Variants in LIPA observed in about 807,000 individuals in gnomAD.
LIPA encodes the protein lysosomal acid lipase/cholesteryl ester hydrolase.
In LIPA, 26 loss-of-function variants were observed where a neutral mutation model predicts 40.6. That is an observed-to-expected ratio of 0.64 (90% confidence interval 0.47 to 0.89). The LOEUF (loss-of-function observed/expected upper bound fraction) is 0.89, where lower values mean the gene tolerates loss of function less well. Ranked by LOEUF, LIPA falls within the 40% of genes least tolerant of loss-of-function variation. LIPA has a pLI of 0.00. For synonymous variants in LIPA, 188 were observed against 168.4 expected (o/e 1.12, Z -0.90); for missense variants, 455 against 479.6 (o/e 0.95, Z 0.48).
At chr10:89,253,197 G>T (rs996116805), upstream of LIPA, among the ~76,000 whole-genome samples, 1 of 152,174 alleles carries the variant, frequency 6.6e-6, no homozygotes, top group Non-Finnish European at 1.5e-5. Context: ...AACTACAGAA[G>T]CAGGGAGACT....
At chr10:89,302,836 G>C (rs1269647865) in intron 1 of LIPA, among the ~76,000 whole-genome samples, 1 of 152,084 alleles carries the variant, frequency 6.6e-6, no homozygotes, top group Non-Finnish European at 1.5e-5. Flanking sequence ...CAGTTTGAAG[G>C]TGGGGTGGCC....
intron 2 of LIPA, among the ~76,000 whole-genome samples, chr10:89,374,516 T>G (rs1827590482): frequency 1.3e-5 from 2 of 152,204 alleles, no homozygotes; most frequent in Non-Finnish European, 2.9e-5. Flanking sequence ...AGTGACCACA[T>G]GACAAACACT....
At chr10:89,336,789 A>C (rs961185363) in intron 1 of LIPA, among the ~76,000 whole-genome samples, 1 of 152,188 alleles carries the variant, frequency 6.6e-6, no homozygotes, top group African/African-American at 2.4e-5. Flanking sequence ...GAAATCCAAA[A>C]ATAAGGACAC....
chr10:89,332,540 T>TTGGAA, intron 1 of LIPA: 1 of 1,613,370 alleles, frequency 6.2e-7, no homozygotes, highest in East Asian at 2.2e-5. Context: ...TGGAAACCTC[T>TTGGAA]TCAGCATTTG....
At chr10:89,322,861 G>A (rs1328404373) in intron 1 of LIPA, among the ~76,000 whole-genome samples, 1 of 152,184 alleles carries the variant, frequency 6.6e-6, no homozygotes, top group Non-Finnish European at 1.5e-5. Flanking sequence ...CACCTGGAGG[G>A]CAAGACAGGT....
At chr10:89,221,540 A>C (rs1589552425) in intron 8 of LIPA, among the ~76,000 whole-genome samples, 2 of 152,248 alleles carry the variant, frequency 1.3e-5, no homozygotes, top group East Asian at 3.9e-4. Context: ...CAATTTGGTG[A>C]TTCTGATGCA....
At chr10:89,347,594 A>T (rs1406942818), upstream of LIPA, among the ~76,000 whole-genome samples, 1 of 152,142 alleles carries the variant, frequency 6.6e-6, no homozygotes, top group East Asian at 1.9e-4. Context: ...TAGTAAAATT[A>T]TTATTTCTAG....
intron 2 of LIPA, among the ~76,000 whole-genome samples, chr10:89,394,496 CAT>C (rs1844304452): frequency 6.7e-6 from 1 of 150,302 alleles, no homozygotes; most frequent in African/African-American, 2.5e-5. Flanking sequence ...AGTGGGGGCT[CAT>C]GTGATTATTT....
At chr10:89,343,910 T>A (rs545520139), upstream of LIPA, among the ~76,000 whole-genome samples, 9 of 133,034 alleles carry the variant, frequency 6.8e-5, no homozygotes, top group Non-Finnish European at 1.1e-4. Context: ...TCTAGCTTAA[T>A]TCAGGCAGGA....
intron 2 of LIPA, among the ~76,000 whole-genome samples, chr10:89,349,348 A>G (rs1168800129): frequency 6.6e-6 from 1 of 152,182 alleles, no homozygotes; most frequent in Non-Finnish European, 1.5e-5. Context: ...AAAAGAGGGT[A>G]TATAAGCTTC....
intron 1 of LIPA, chr10:89,338,768 T>C (rs1221484852): frequency 1.2e-6 from 2 of 1,614,012 alleles, no homozygotes; most frequent in Non-Finnish European, 1.7e-6. Flanking sequence ...GAAGATAGAG[T>C]GTGTAACCAG....
At chr10:89,388,608 G>A (rs533199525) in intron 2 of LIPA, among the ~76,000 whole-genome samples, 4 of 152,148 alleles carry the variant, frequency 2.6e-5, no homozygotes, top group Admixed American at 1.3e-4. Flanking sequence ...GTGTACCTGG[G>A]TTTGTAAGAT....
chr10:89,358,330 T>C (rs568861415), intron 2 of LIPA, among the ~76,000 whole-genome samples: 1 of 152,194 alleles, frequency 6.6e-6, no homozygotes, highest in Non-Finnish European at 1.5e-5. Context: ...TTATATACTG[T>C]TGGTGGGAAT....
chr10:89,337,248 G>A (rs1396362614), intron 1 of LIPA, among the ~76,000 whole-genome samples: 1 of 152,146 alleles, frequency 6.6e-6, no homozygotes, highest in Non-Finnish European at 1.5e-5. Context: ...GGGCAGAGAA[G>A]GTTGGGATAA....
chr10:89,380,967 A>G (rs1444183507), intron 2 of LIPA, among the ~76,000 whole-genome samples: 1 of 152,230 alleles, frequency 6.6e-6, no homozygotes, highest in Non-Finnish European at 1.5e-5. Context: ...GCAGCCTTGT[A>G]AGATTGTGTA....
intron 2 of LIPA, chr10:89,403,091 G>A (rs147124815): frequency 3.1e-6 from 5 of 1,614,172 alleles, no homozygotes; most frequent in Non-Finnish European, 4.2e-6. Flanking sequence ...AAGCTCTTGA[G>A]TTATTAAAAA....
chr10:89,349,515 C>A (rs1238894475), intron 2 of LIPA, among the ~76,000 whole-genome samples: 1 of 152,080 alleles, frequency 6.6e-6, no homozygotes, highest in East Asian at 1.9e-4. Flanking sequence ...AAAATGTGTC[C>A]TCCCCCTACC....
intron 8 of LIPA, among the ~76,000 whole-genome samples, chr10:89,218,745 C>T (rs2133418654): frequency 6.6e-6 from 1 of 152,326 alleles, no homozygotes; most frequent in Non-Finnish European, 1.5e-5. Context: ...AACTGGGTCC[C>T]TGCATGGCCT....
chr10:89,307,547 G>A (rs1843490426), intron 1 of LIPA: 1 of 568,286 alleles, frequency 1.8e-6, no homozygotes, highest in Non-Finnish European at 3.0e-6. Flanking sequence ...TCTTGAGAGA[G>A]CCCAAGGAGT....
Sources: gnomAD v4.1 joint callset for allele counts (sites outside exome capture counted in the v4.1 genomes callset) on GRCh38, gnomAD v4.1.1 for gene constraint, MANE v1.5 for transcripts, NCBI Gene and HGNC (gene_info 2026-07-23, HGNC 2026-07-21) for gene names.